FARSA: variants seen among roughly 807,000 people sequenced by gnomAD.
FARSA encodes phenylalanine--tRNA ligase alpha subunit.
A neutral mutation model predicts 63.2 loss-of-function variants in FARSA; 37 were observed. The observed-to-expected ratio is 0.59, with a 90% CI of 0.45 to 0.77. FARSA has a LOEUF of 0.77. Among genes scored for constraint, FARSA ranks in the 30% least tolerant of loss-of-function variants. The pLI is 0.00. For synonymous variants in FARSA, 312 were observed against 285.1 expected (o/e 1.09, Z -0.95); for missense variants, 618 against 696.6 (o/e 0.89, Z 1.27).
chr19:12,930,209 G>A lies in FARSA; in HGVS notation c.503+14C>T, dbSNP rs766543627. 1 of 1,599,848 alleles carries A rather than the reference G, an allele frequency of 6.3e-7. No homozygotes were observed. The highest frequency in any genetic ancestry group is 1.3e-5 in the African/African-American group (1 of 74,634). ...GGTGGTGGGGGCCTGAGCCTGCAGG[G>A]GGCACCCACTCACACTTCAGCCAAC... On this transcript the variant is annotated intron_variant, in intron 4 of 12. Transcript: ENST00000314606.
chr19:12,928,869 G>C (rs769451595), intron 4 of FARSA, 22 bp from the exon 5 acceptor site: 4 of 1,606,734 alleles, frequency 2.5e-6, no homozygotes, highest in Non-Finnish European at 3.4e-6. Flanking sequence ...GGAAGGAAGG[G>C]GACGCCACTG....
Position 12,924,748 on chromosome 19 carries a change from C to T in FARSA, c.1086G>A (p.Leu362=), listed in dbSNP as rs746912275. The T allele has an allele frequency of 1.2e-6, 2 of 1,601,534 alleles. No individual in the cohort carries two copies. The highest frequency in any genetic ancestry group is 4.5e-5 in the East Asian group (2 of 44,642). The change falls in exon 10 of 13, where the codon CTG becomes CTA. Residue 362 remains leucine, a synonymous_variant. Coordinates refer to ENST00000314606, the MANE Select transcript of FARSA (RefSeq NM_004461.3). This position sits in a 1 kb window ranked among gnomAD's most constrained non-coding sequence, Gnocchi z 6.4. ...GGAACTCAGCCAGGTGCGTGGCGTC[C>T]AGGGTCTCATTCCGGAATACGCGGT... The part of the protein sequence containing the change: ...SIDRVFRNET[L]DATHLAEFHQ...
rs533872487 is a variant in FARSA at position 12,933,652 on chromosome 19, C to T, written c.45G>A (p.Glu15=). ...QVAELLLRRL[E]ASDGGLDSAE... ...CGCTGTCCAGGCCGCCATCAGACGC[C>T]TCCAGCCGCCGGAGCAGCAGTTCCG... Residue 15 remains glutamate, a synonymous_variant, in exon 1 of 13, where the codon GAG becomes GAA. Coordinates refer to ENST00000314606, the MANE Select transcript of FARSA (RefSeq NM_004461.3). 7.7e-6 allele frequency: 12 copies of T among 1,567,280 alleles called. No homozygotes were observed. Among genetic ancestry groups the T allele is most frequent in the Middle Eastern group, 2.2e-4 (1 of 4,538 alleles).
chr19:12,925,316 A>AG (rs1971314667), intron 7 of FARSA, 142 bp from the exon 8 acceptor site: 1 of 662,906 alleles, frequency 1.5e-6, no homozygotes, highest in Non-Finnish European at 2.6e-6. Flanking sequence ...CCCAGGTTCA[A>AG]GTGATTCTCG....
rs1971377005 is a variant in FARSA at position 12,930,334 on chromosome 19, C to T, written c.392G>A (p.Ser131Asn). Residue 131 changes from serine to asparagine, a missense_variant, in exon 4 of 13, where the codon AGC becomes AAC. By Grantham distance (46) the Ser-to-Asn change is conservative. Coordinates refer to ENST00000314606, the MANE Select transcript of FARSA (RefSeq NM_004461.3). ...DGPRVFRVVD[S>N]MEDEVQRRLQ... ...CCGCCGCTGCACCTCATCCTCCATGCTGTCCACCTGCCAGGATAAGGAGTG... is the reference window on the plus strand; with the variant it reads ...CCGCCGCTGCACCTCATCCTCCATGTTGTCCACCTGCCAGGATAAGGAGTG... 6.2e-7 allele frequency: 1 copy of T among 1,614,134 alleles called. No individual in the cohort carries two copies. Among genetic ancestry groups the T allele is most frequent in the Non-Finnish European group, 8.5e-7 (1 of 1,179,992 alleles).
intron 1 of FARSA, chr19:12,933,232 T>G: frequency 2.9e-6 from 1 of 344,024 alleles, no homozygotes; most frequent in Non-Finnish European, 5.4e-6. Context: ...GGTCCCCTGT[T>G]TTCCCCCATC....
chr19:12,930,364 G>A (rs771208798), intron 3 of FARSA, 23 bp from the exon 4 acceptor site: 1 of 1,613,634 alleles, frequency 6.2e-7, no homozygotes, highest in Admixed American at 1.7e-5. Context: ...GGAGTGTGAG[G>A]GGTATGAGGG....
Position 12,930,204 on chromosome 19 carries a change from G to C in FARSA, c.503+19C>G, listed in dbSNP as rs374032555. The C allele has an allele frequency of 3.8e-6, 6 of 1,595,878 alleles. No individual in the cohort carries two copies. Among genetic ancestry groups the C allele is most frequent in the Non-Finnish European group, 4.3e-6 (5 of 1,164,114 alleles). ...TCGCAGGTGGTGGGGGCCTGAGCCT[G>C]CAGGGGGCACCCACTCACACTTCAG... is the stretch of plus-strand genomic sequence containing the variant. On this transcript the variant is annotated intron_variant, in intron 4 of 12. Coordinates refer to ENST00000314606, the MANE Select transcript of FARSA (RefSeq NM_004461.3).
chr19:12,927,994 A>G (rs1018761789), intron 7 of FARSA, among the ~76,000 whole-genome samples: 6 of 120,868 alleles, frequency 5.0e-5, no homozygotes, highest in Non-Finnish European at 9.6e-5. Flanking sequence ...TGCACACTCC[A>G]GCTTGGGCGA....
At chr19:12,933,289 G>GATCTC in intron 1 of FARSA, 1 of 411,190 alleles carries the variant, frequency 2.4e-6, no homozygotes, top group Non-Finnish European at 4.1e-6. Context: ...ACCTGCGTGA[G>GATCTC]GGCAGCAACC....
Position 12,924,754 on chromosome 19 carries a change from C to A in FARSA, c.1080G>T (p.Glu360Asp). The change falls in exon 10 of 13, where the codon GAG becomes GAT. Residue 360 changes from glutamate (E) to aspartate (D), a missense_variant. Coordinates refer to ENST00000314606, the MANE Select transcript of FARSA (RefSeq NM_004461.3). The surrounding 1 kb of genome is among the most constrained non-coding windows in gnomAD (Gnocchi z 6.4). ...CAGCCAGGTGCGTGGCGTCCAGGGT[C>A]TCATTCCGGAATACGCGGTCGATGG... The part of the protein sequence containing the change: ...YFSIDRVFRN[E>D]TLDATHLAEF... The A allele has an allele frequency of 6.2e-7, 1 of 1,602,246 alleles. No individual in the cohort carries two copies. The highest frequency in any genetic ancestry group is 8.5e-7 in the Non-Finnish European group (1 of 1,171,870).
rs1971355797 is a variant in FARSA, at chr19:12,928,682, G to A, written c.597-19C>T. The A allele has an allele frequency of 3.1e-6, 5 of 1,613,292 alleles. No homozygotes were observed. Among genetic ancestry groups the A allele is most frequent in the Non-Finnish European group, 4.2e-6 (5 of 1,179,650 alleles). The stretch of plus-strand genomic sequence containing the variant: ...AGAGCCACTGGGGGAGGATGCAAGG[G>A]CCTGGTAAGGGCTGCCCGCCCCTGC... On this transcript the variant is annotated intron_variant, in intron 5 of 12. Transcript: ENST00000314606.
At chr19:12,922,909 T>C in intron 12 of FARSA, 23 bp from the exon 13 acceptor site, 1 of 1,613,948 alleles carries the variant, frequency 6.2e-7, no homozygotes, top group Non-Finnish European at 8.5e-7. Flanking sequence ...GGAACAGAGT[T>C]TATCATGAGG....
intron 1 of FARSA, 59 bp from the exon 2 acceptor site, chr19:12,930,808 C>T (rs529869887): frequency 1.3e-6 from 2 of 1,591,804 alleles, no homozygotes; most frequent in Admixed American, 1.7e-5. Flanking sequence ...CCAGGCACCC[C>T]CTTTCTGCAG....
intron 4 of FARSA, among the ~76,000 whole-genome samples, chr19:12,929,836 C>T (rs954547610): frequency 6.6e-6 from 1 of 152,178 alleles, no homozygotes; most frequent in African/African-American, 2.4e-5. Context: ...TTCCAGAGGC[C>T]TGTCTGGTGT....
At chr19:12,933,511 G>A in intron 1 of FARSA, 39 bp downstream of exon 1, 1 of 1,533,868 alleles carries the variant, frequency 6.5e-7, no homozygotes, top group East Asian at 2.4e-5. Context: ...GACTGTAGGT[G>A]CAAGGGCAAG....
chr19:12,927,917 G>A (rs1599652127), intron 7 of FARSA, among the ~76,000 whole-genome samples: 1 of 150,400 alleles, frequency 6.6e-6, no homozygotes, highest in South Asian at 2.1e-4. Flanking sequence ...AGCTACTCGG[G>A]AGGCTGAGGC....
intron 1 of FARSA, among the ~76,000 whole-genome samples, chr19:12,932,365 T>TA (rs1971406911): frequency 6.6e-6 from 1 of 152,292 alleles, no homozygotes; most frequent in East Asian, 1.9e-4. Context: ...TTATGGCTAT[T>TA]ACTGTCATTA....
In FARSA at chr19:12,931,503, C is replaced by T. The variant is rs1185833140; in HGVS notation, c.148-754G>A. 2.6e-5 allele frequency among the ~76,000 whole-genome samples: 4 copies of T among 152,248 alleles called. No individual in the cohort carries two copies. The East Asian group carries it at 5.8e-4, about 22-fold the overall frequency. On this transcript the variant is annotated intron_variant, in intron 1 of 12. Transcript: ENST00000314606. ...GGTCTCAAACTCCTGACCTCGTAAT[C>T]GGCCGACTCCGCCTCCCAAAGTGCT...
Sources: gnomAD v4.1 joint callset for allele counts (sites outside exome capture counted in the v4.1 genomes callset) on GRCh38, gnomAD v4.1.1 for gene constraint, Gnocchi (gnomAD v3.1) non-coding constraint, MANE v1.5 for transcripts, NCBI Gene and HGNC (gene_info 2026-07-23, HGNC 2026-07-21) for gene names.